UBE2L6: variants seen among roughly 807,000 people sequenced by gnomAD.
UBE2L6 encodes ubiquitin conjugating enzyme E2 L6, also known as ubiquitin/ISG15-conjugating enzyme E2 L6.
A neutral mutation model predicts 13.6 loss-of-function variants in UBE2L6; 11 were observed. The ratio of observed to expected loss-of-function variants is 0.81; its 90% CI spans 0.51 to 1.34. The LOEUF is 1.34. UBE2L6 is among the 40% of genes most tolerant of loss of function. The pLI, the probability that UBE2L6 is intolerant of heterozygous loss-of-function variation, is 0.00. For missense variants in UBE2L6, 197 were observed against 199.5 expected (o/e 0.99, Z 0.07); for synonymous variants, 74 against 83.2 (o/e 0.89, Z 0.60).
At chr11:57,564,399 TC>T (rs1446349497) in intron 1 of UBE2L6, among the ~76,000 whole-genome samples, 1 of 152,140 alleles carries the variant, frequency 6.6e-6, no homozygotes, top group Non-Finnish European at 1.5e-5. Context: ...ATAAAGACTT[TC>T]CCAGACAAAC....
chr11:57,567,884 G>T, upstream of UBE2L6: 1 of 403,478 alleles, frequency 2.5e-6, no homozygotes, highest in East Asian at 4.1e-5. Flanking sequence ...GCCTCGGGGC[G>T]CACGGCTTTG....
chr11:57,562,453 T>C (rs866459987), intron 1 of UBE2L6, among the ~76,000 whole-genome samples: 34 of 152,360 alleles, frequency 2.2e-4, no homozygotes, highest in Admixed American at 2.0e-3. Context: ...CACCTGCTGA[T>C]TGCAGAGCCC....
At chr11:57,556,821 C>A (rs369010771) in intron 2 of UBE2L6, among the ~76,000 whole-genome samples, 1 of 151,818 alleles carries the variant, frequency 6.6e-6, no homozygotes, top group Admixed American at 6.6e-5. Flanking sequence ...GGCGGTGGCT[C>A]GCGCCTGTAA....
At chr11:57,553,441 C>G (rs1276458450) in intron 3 of UBE2L6, among the ~76,000 whole-genome samples, 2 of 152,206 alleles carry the variant, frequency 1.3e-5, no homozygotes, top group Non-Finnish European at 2.9e-5. Context: ...TTGCAGTGAG[C>G]CAAGATTGCG....
At chr11:57,560,473 C>CCTTGGA (rs1590809919) in intron 1 of UBE2L6, 41 bp from the exon 2 acceptor site, 1 of 1,481,988 alleles carries the variant, frequency 6.7e-7, no homozygotes, top group East Asian at 2.3e-5. Context: ...GCCTAGTCCT[C>CCTTGGA]CTTATTTCAG....
intron 2 of UBE2L6, among the ~76,000 whole-genome samples, chr11:57,557,166 C>T (rs1388987338): frequency 1.3e-5 from 2 of 152,064 alleles, no homozygotes; most frequent in Non-Finnish European, 2.9e-5. Flanking sequence ...AGACCTCCCA[C>T]GAATGGCTCC....
At chr11:57,564,886 G>A (rs1377281677) in intron 1 of UBE2L6, among the ~76,000 whole-genome samples, 2 of 151,944 alleles carry the variant, frequency 1.3e-5, no homozygotes, top group African/African-American at 4.8e-5. Context: ...AGTAGAAAGA[G>A]GAAAAGATGA....
chr11:57,560,603 G>C, intron 1 of UBE2L6, 171 bp from the exon 2 acceptor site: 2 of 560,324 alleles, frequency 3.6e-6, no homozygotes, highest in Non-Finnish European at 6.3e-6. Context: ...CAGGCATGGT[G>C]CTGGTGCTTT....
chr11:57,557,965 C>G (rs142175699), intron 2 of UBE2L6, among the ~76,000 whole-genome samples: 210 of 152,308 alleles, frequency 1.4e-3, no homozygotes, highest in African/African-American at 4.7e-3. Flanking sequence ...TCAGTTTCCT[C>G]GTCTGTAAAA....
In UBE2L6 at chr11:57,554,548, T is replaced by C. The variant is rs1197560575; in HGVS notation, c.199A>G (p.Met67Val). The change falls in exon 3 of 4, where the codon ATG becomes GTG. Residue 67 changes from methionine to valine, a missense_variant. Met to Val is a conservative substitution (Grantham distance 21). Transcript: ENST00000287156. ...FPPEYPFKPPMIKFTTKIYHP... is the reference protein window; with the variant it reads ...FPPEYPFKPPVIKFTTKIYHP... ...TAGATCTTGGTTGTGAATTTGATCA[T>C]GGGAGGCTTGAACGGATACTCCGGC... 1.9e-6 allele frequency: 3 copies of C among 1,613,886 alleles called. No homozygotes were observed. Among genetic ancestry groups the C allele is most frequent in the Non-Finnish European group, 2.5e-6 (3 of 1,179,948 alleles).
intron 1 of UBE2L6, 122 bp downstream of exon 1, chr11:57,567,463 C>A: frequency 7.2e-7 from 1 of 1,391,088 alleles, no homozygotes. Context: ...AGGGATTCAG[C>A]CAGCCCTGGT....
At chr11:57,559,334 G>T (rs189211892) in intron 2 of UBE2L6, among the ~76,000 whole-genome samples, 10 of 152,182 alleles carry the variant, frequency 6.6e-5, no homozygotes, top group Non-Finnish European at 1.5e-4. Flanking sequence ...AAATCCTGCC[G>T]GGTGTGGTGG....
chr11:57,566,326 A>C lies in UBE2L6; in HGVS notation c.27+1259T>G, dbSNP rs1945092423. Among the ~76,000 whole-genome samples, 3 of 152,168 alleles carry C rather than the reference A, an allele frequency of 2.0e-5. No homozygotes were observed. The South Asian group carries it at 6.2e-4, about 32-fold the overall frequency. On this transcript the variant is annotated intron_variant, in intron 1 of 3. Coordinates refer to ENST00000287156, the MANE Select transcript of UBE2L6 (RefSeq NM_004223.5). ...CTGACTCAGAGGAACAGAAAATGAA[A>C]GTAGAAAGGCCATTAAGAGAGCCTG...
At chr11:57,553,234 C>T (rs189814216) in intron 3 of UBE2L6, among the ~76,000 whole-genome samples, 103 of 152,362 alleles carry the variant, frequency 6.8e-4, no homozygotes, top group African/African-American at 2.4e-3. Context: ...TGGCTCACGC[C>T]TGTAATCCCA....
intron 1 of UBE2L6, among the ~76,000 whole-genome samples, chr11:57,562,942 C>T (rs1307575280): frequency 6.6e-6 from 1 of 152,104 alleles, no homozygotes; most frequent in Non-Finnish European, 1.5e-5. Context: ...CAGACACCAA[C>T]AAACATCCAC....
intron 2 of UBE2L6, among the ~76,000 whole-genome samples, chr11:57,557,186 C>T (rs1293022344): frequency 6.6e-6 from 1 of 152,126 alleles, no homozygotes; most frequent in African/African-American, 2.4e-5. Flanking sequence ...CGTGGAATGG[C>T]TCCGTGCCAA....
At position 57,552,624 on chromosome 11, in the gene UBE2L6, T is replaced by C. The variant is rs531449027; in HGVS notation, c.311-115A>G. The C allele has an allele frequency of 3.1e-5, 42 of 1,343,296 alleles. 2 individuals carry two copies. The South Asian group carries it at 5.3e-4, about 17-fold the overall frequency. 83.2% of individuals were successfully genotyped at this position (1,343,296 alleles called of 1,614,324 possible). ...CTCCTTGGGGGAAAGGTTACATCGC[T>C]TAGGATTACTCTACGACCAGATCAA... On this transcript the variant is annotated intron_variant, in intron 3 of 3. Coordinates refer to ENST00000287156, the MANE Select transcript of UBE2L6 (RefSeq NM_004223.5).
At chr11:57,565,359 T>G (rs1328318203) in intron 1 of UBE2L6, among the ~76,000 whole-genome samples, 1 of 87,976 alleles carries the variant, frequency 1.1e-5, no homozygotes, top group South Asian at 4.2e-4. Context: ...ATTAGTTGTT[T>G]TTTTTTTTTT....
chr11:57,552,197 A>G lies in UBE2L6; in HGVS notation c.*161T>C, dbSNP rs3741082. The G allele has an allele frequency of 3.2e-5, 33 of 1,023,304 alleles. No individual in the cohort carries two copies. In the East Asian group the frequency reaches 8.0e-4, roughly 25 times the overall value. The allele number at this position is 1,023,304 out of a possible 1,614,324, so 63.4% of individuals were successfully genotyped here. ...GTCCATACACAACACACACACTCAT[A>G]GCTCCCTTCCCTCCACCACACACAC... On this transcript the variant is annotated 3_prime_UTR_variant, in exon 4 of 4. Transcript: ENST00000287156.
Sources: allele counts gnomAD v4.1 joint callset (sites outside exome capture counted in the v4.1 genomes callset), GRCh38; gene constraint gnomAD v4.1.1; transcripts MANE v1.5; gene names NCBI Gene and HGNC (gene_info 2026-07-23, HGNC 2026-07-21).